The following KSR2 variants were observed in gnomAD, a reference collection of about 807,000 sequenced individuals.
KSR2 encodes kinase suppressor of ras 2.
A neutral mutation model predicts 107.8 loss-of-function variants in KSR2; 25 were observed. The observed-to-expected ratio is 0.23, with a 90% CI of 0.17 to 0.32. The LOEUF (loss-of-function observed/expected upper bound fraction) is 0.32, where lower values mean the gene tolerates loss of function less well. Among genes scored for constraint, KSR2 ranks in the 10% least tolerant of loss-of-function variants. The pLI is 1.00. For missense variants in KSR2, 887 were observed against 1,268.9 expected (o/e 0.70, Z 4.57); for synonymous variants, 480 against 507.0 (o/e 0.95, Z 0.71).
intron 17 of KSR2, 116 bp downstream of exon 17, chr12:117,476,348 G>A: frequency 1.5e-6 from 2 of 1,298,226 alleles, no homozygotes; most frequent in Non-Finnish European, 2.0e-6. Flanking sequence ...CAAAAATCCA[G>A]CCACTTTGGC....
At chr12:117,487,472 G>T (rs1872527418) in intron 14 of KSR2, among the ~76,000 whole-genome samples, 1 of 152,204 alleles carries the variant, frequency 6.6e-6, no homozygotes, top group Non-Finnish European at 1.5e-5. Flanking sequence ...GCATCCCCCA[G>T]GTTGCTGTCC....
intron 3 of KSR2, among the ~76,000 whole-genome samples, chr12:117,845,305 A>G (rs1178389726): frequency 6.6e-6 from 1 of 152,166 alleles, no homozygotes; most frequent in Non-Finnish European, 1.5e-5. Flanking sequence ...GGGTCCCCAC[A>G]ACCACTGGCC....
chr12:117,686,228 T>TTTTTTTTTG (rs1885570253), intron 4 of KSR2, among the ~76,000 whole-genome samples: 1 of 143,338 alleles, frequency 7.0e-6, no homozygotes, highest in Non-Finnish European at 1.5e-5. Context: ...TTTTTTTTTT[T>TTTTTTTTTG]TTTTTTTTTT....
intron 14 of KSR2, among the ~76,000 whole-genome samples, chr12:117,495,873 G>C (rs1872994512): frequency 6.6e-6 from 1 of 152,096 alleles, no homozygotes; most frequent in African/African-American, 2.4e-5. Context: ...GGCCAACATG[G>C]TGAAACCCTG....
At chr12:117,615,781 G>A (rs904476552) in intron 5 of KSR2, among the ~76,000 whole-genome samples, 1 of 152,160 alleles carries the variant, frequency 6.6e-6, no homozygotes, top group Admixed American at 6.6e-5. Flanking sequence ...CAGCCAAGCT[G>A]CTCCAAAATC....
intron 4 of KSR2, among the ~76,000 whole-genome samples, chr12:117,721,383 A>C (rs1159032847): frequency 6.6e-6 from 1 of 152,266 alleles, no homozygotes; most frequent in Admixed American, 6.5e-5. Context: ...TAGTTGTAGA[A>C]TAGTATAGAA....
chr12:117,736,918 C>A (rs931699554), intron 4 of KSR2, among the ~76,000 whole-genome samples: 29 of 152,126 alleles, frequency 1.9e-4, no homozygotes, highest in African/African-American at 6.0e-4. Flanking sequence ...GGAGAGTTTT[C>A]TTCTCCCTAC....
intron 5 of KSR2, among the ~76,000 whole-genome samples, chr12:117,596,185 G>A (rs1293031944): frequency 6.6e-6 from 1 of 152,086 alleles, no homozygotes; most frequent in Non-Finnish European, 1.5e-5. Flanking sequence ...TCACAATCAT[G>A]GCGGAAGGCG....
chr12:117,885,582 A>T (rs1430194711), intron 1 of KSR2, among the ~76,000 whole-genome samples: 1 of 151,580 alleles, frequency 6.6e-6, no homozygotes, highest in Non-Finnish European at 1.5e-5. Context: ...ATATATACAT[A>T]TATGTGCATG....
At chr12:117,599,970 C>G (rs10850852) in intron 5 of KSR2, among the ~76,000 whole-genome samples, 3 of 151,986 alleles carry the variant, frequency 2.0e-5, no homozygotes, top group African/African-American at 7.3e-5. Context: ...TTAAGCCTGT[C>G]ACTCCTGTAG....
At position 117,466,199 on chromosome 12, in the gene KSR2, A is replaced by G. The variant is rs1236623506; in HGVS notation, c.*1000T>C. The G allele has an allele frequency of 2.0e-5, 3 of 152,304 alleles. No homozygotes were observed. The highest frequency in any genetic ancestry group is 2.1e-4 in the South Asian group (1 of 4,832). 9.4% of individuals were successfully genotyped at this position (152,304 alleles called of 1,614,324 possible). On this transcript the variant is annotated 3_prime_UTR_variant, in exon 20 of 20. Transcript: ENST00000339824. ...TATCATAGGTACAGCCACATAACCC[A>G]ACATGGACGTACCCCAAGAACCCGC...
chr12:117,963,415 C>T (rs74855230), intron 1 of KSR2, among the ~76,000 whole-genome samples: 29,794 of 151,894 alleles, frequency 0.2, 3,409 homozygotes, highest in African/African-American at 0.31. Context: ...GCTGGAGCAA[C>T]ATAGCAATAC....
chr12:117,684,159 T>G (rs1885477228), intron 4 of KSR2, among the ~76,000 whole-genome samples: 1 of 152,182 alleles, frequency 6.6e-6, no homozygotes. Context: ...CTTTATCTAG[T>G]GTCTCTCCTT....
At chr12:117,786,828 G>A (rs925858795) in intron 3 of KSR2, among the ~76,000 whole-genome samples, 2 of 151,696 alleles carry the variant, frequency 1.3e-5, no homozygotes, top group East Asian at 3.9e-4. Context: ...TCGGGAGTTC[G>A]AGACCAGCCT....
chr12:117,749,747 T>C (rs934186784), intron 4 of KSR2, among the ~76,000 whole-genome samples: 4 of 152,196 alleles, frequency 2.6e-5, no homozygotes, highest in African/African-American at 9.7e-5. Flanking sequence ...AAGCTAAACA[T>C]ATTTTAAATG....
At chr12:117,528,942 G>T (rs528065139) in intron 12 of KSR2, among the ~76,000 whole-genome samples, 6 of 152,202 alleles carry the variant, frequency 3.9e-5, no homozygotes, top group Non-Finnish European at 7.3e-5. Context: ...AGTTCATCTT[G>T]CACAAATTGT....
At chr12:117,525,919 AAG>A (rs1491355494) in intron 13 of KSR2, among the ~76,000 whole-genome samples, 2 of 152,176 alleles carry the variant, frequency 1.3e-5, no homozygotes, top group Non-Finnish European at 2.9e-5. Flanking sequence ...CAATCAGACA[AAG>A]AGAGCTGAAA....
chr12:117,693,327 G>A (rs998235622), intron 4 of KSR2, among the ~76,000 whole-genome samples: 1 of 152,218 alleles, frequency 6.6e-6, no homozygotes, highest in Admixed American at 6.5e-5. Flanking sequence ...ATGCTTTAGA[G>A]TAAGAATCAA....
intron 3 of KSR2, among the ~76,000 whole-genome samples, chr12:117,840,688 G>T (rs117775268): frequency 1.3e-5 from 2 of 151,578 alleles, no homozygotes; most frequent in East Asian, 4.0e-4. Flanking sequence ...AAGCCACCAC[G>T]CCTGTCCCCA....
Sources: allele counts gnomAD v4.1 joint callset (sites outside exome capture counted in the v4.1 genomes callset), GRCh38; gene constraint gnomAD v4.1.1; transcripts MANE v1.5; gene names NCBI Gene and HGNC (gene_info 2026-07-23, HGNC 2026-07-21).